Variants in PATJ observed in about 807,000 individuals in gnomAD.
The protein encoded by PATJ is PATJ crumbs cell polarity complex component, also known as inaD-like protein.
Under a neutral mutation model 224.9 loss-of-function variants are expected in PATJ, and 190 were observed. The observed-to-expected ratio is 0.84, with a 90% CI of 0.75 to 0.95. The LOEUF is 0.95. Ranked by LOEUF, PATJ falls within the 40% of genes least tolerant of loss-of-function variation. The pLI is 0.00. For synonymous variants in PATJ, 769 were observed against 820.3 expected (o/e 0.94, Z 1.07); for missense variants, 2,121 against 2,270.3 (o/e 0.93, Z 1.34).
At chr1:61,745,193 A>G (rs1009911231) in intron 1 of PATJ, among the ~76,000 whole-genome samples, 2 of 152,222 alleles carry the variant, frequency 1.3e-5, no homozygotes, top group Non-Finnish European at 2.9e-5. Context: ...TCCTTCCTCC[A>G]GGGTATGGGC....
intron 20 of PATJ, among the ~76,000 whole-genome samples, chr1:61,867,897 A>G (rs1465993902): frequency 6.6e-6 from 1 of 152,162 alleles, no homozygotes; most frequent in Non-Finnish European, 1.5e-5. Flanking sequence ...ACACATTCAA[A>G]TCCCTTACAA....
Position 61,763,174 on chromosome 1 carries a change from G to A in PATJ, c.184G>A (p.Gly62Ser). ...TLQQSIKQLKGQLNHIPSDCS... is the reference protein window; with the variant it reads ...TLQQSIKQLKSQLNHIPSDCS... ...TCAGCAGTCCATCAAGCAACTGAAGGGTCAAGTAAGTTACCCATCAGAGTT... is the reference window on the plus strand; with the variant it reads ...TCAGCAGTCCATCAAGCAACTGAAGAGTCAAGTAAGTTACCCATCAGAGTT... Residue 62 changes from glycine to serine, a missense_variant, in exon 3 of 44, where the codon GGT becomes AGT. By Grantham distance (56) the Gly-to-Ser change is moderately conservative. Transcript: ENST00000642238. The A allele has an allele frequency of 1.3e-6, 2 of 1,552,244 alleles. No individual in the cohort carries two copies.
At chr1:61,871,557 ATTTTTTT>A (rs71582650) in intron 20 of PATJ, among the ~76,000 whole-genome samples, 2,525 of 54,778 alleles carry the variant, frequency 0.046, 85 homozygotes, top group African/African-American at 0.14. Context: ...ATATATATAT[ATTTTTTT>A]TTTTTTTTTT....
At chr1:61,979,397 G>A (rs1019806008) in intron 27 of PATJ, among the ~76,000 whole-genome samples, 2 of 152,040 alleles carry the variant, frequency 1.3e-5, no homozygotes, top group Non-Finnish European at 2.9e-5. Context: ...GTTCAGGCCT[G>A]TAATCCCAGC....
intron 27 of PATJ, among the ~76,000 whole-genome samples, chr1:61,974,634 A>G (rs1454894531): frequency 1.3e-5 from 2 of 151,856 alleles, no homozygotes; most frequent in Non-Finnish European, 2.9e-5. Context: ...TCTGCTCCAA[A>G]AGCAAAGTGG....
chr1:62,063,643 G>T (rs779666530), intron 31 of PATJ, among the ~76,000 whole-genome samples: 7 of 152,180 alleles, frequency 4.6e-5, no homozygotes, highest in Non-Finnish European at 1.0e-4. Flanking sequence ...CATGAGCATA[G>T]AATGTTTTTC....
At chr1:61,899,883 G>A (rs1670884334) in intron 23 of PATJ, among the ~76,000 whole-genome samples, 1 of 152,216 alleles carries the variant, frequency 6.6e-6, no homozygotes, top group Non-Finnish European at 1.5e-5. Flanking sequence ...TTCAGAGAAA[G>A]CAACTTAGAT....
chr1:61,898,964 G>T (rs1238450868), intron 22 of PATJ, among the ~76,000 whole-genome samples: 2 of 150,454 alleles, frequency 1.3e-5, no homozygotes, highest in Non-Finnish European at 3.0e-5. Context: ...TTTTTTTTTT[G>T]TAGAGACAGG....
At chr1:61,806,813 T>G (rs1653665680) in intron 13 of PATJ, among the ~76,000 whole-genome samples, 1 of 152,116 alleles carries the variant, frequency 6.6e-6, no homozygotes, top group African/African-American at 2.4e-5. Flanking sequence ...GCTGTAACAG[T>G]ATTTACAAAT....
chr1:61,947,673 G>C (rs957247977), intron 27 of PATJ, among the ~76,000 whole-genome samples: 16 of 152,180 alleles, frequency 1.1e-4, no homozygotes, highest in Non-Finnish European at 2.2e-4. Flanking sequence ...CCATCCCCAT[G>C]AGGCTACCAA....
chr1:61,898,035 T>A (rs758700911), intron 22 of PATJ, among the ~76,000 whole-genome samples: 1 of 152,196 alleles, frequency 6.6e-6, no homozygotes, highest in Non-Finnish European at 1.5e-5. Context: ...AGATACTAAG[T>A]CTGTAGAGGG....
At position 62,158,707 on chromosome 1, in the gene PATJ, C is replaced by T. The variant is rs181652933; in HGVS notation, c.5503-2201C>T. On this transcript the variant is annotated intron_variant, in intron 43 of 43. Transcript: ENST00000642238. ...CTGCATTCCAGCCTGGGCGACAGAG[C>T]GAGACTCTGTCTCAAAAAAAAAACA... Among the ~76,000 whole-genome samples, 358 of 107,104 alleles carry T rather than the reference C, an allele frequency of 3.3e-3. 2 individuals carry two copies. Among genetic ancestry groups the T allele is most frequent in the African/African-American group, 8.9e-3 (238 of 26,668 alleles). The allele number at this position is 107,104 out of a possible 152,430, so 70.3% of individuals were successfully genotyped here. A position where few individuals can be genotyped will look rare whatever the true frequency, so the allele number is the denominator to read the frequency against.
rs1406623318 is a variant in PATJ at position 61,797,308 on chromosome 1, G to T, written c.1282G>T (p.Gly428Cys). The change falls in exon 11 of 44, where the codon GGT (glycine) becomes TGT (cysteine). Residue 428 changes from glycine to cysteine, a missense_variant. By Grantham distance (159) the Gly-to-Cys change is radical. Coordinates refer to ENST00000642238, the MANE Select transcript of PATJ (RefSeq NM_001350145.3). ...IVAVDGVNIQGFANHDVVEVL... is the reference protein window; with the variant it reads ...IVAVDGVNIQCFANHDVVEVL... ...TTAGGTCGATGGCGTGAACATTCAG[G>T]GTTTTGCCAACCATGATGTTGTTGA... The T allele has an allele frequency of 2.7e-5, 43 of 1,613,172 alleles. No individual in the cohort carries two copies. Among genetic ancestry groups the T allele is most frequent in the Non-Finnish European group, 3.6e-5 (42 of 1,179,352 alleles).
chr1:61,864,212 CA>C (rs1428884742), intron 19 of PATJ, 25 bp from the exon 20 acceptor site: 1 of 1,549,194 alleles, frequency 6.5e-7, no homozygotes, highest in African/African-American at 1.6e-5. Flanking sequence ...CGTAACTTCA[CA>C]TTTTTTTGCA....
intron 14 of PATJ, among the ~76,000 whole-genome samples, chr1:61,819,376 T>G (rs540898243): frequency 5.3e-5 from 8 of 152,248 alleles, no homozygotes; most frequent in East Asian, 3.9e-4. Context: ...TGATTGGTTG[T>G]TTATTTATGT....
chr1:62,049,975 G>A (rs528532095), intron 30 of PATJ, among the ~76,000 whole-genome samples: 3 of 152,004 alleles, frequency 2.0e-5, no homozygotes, highest in East Asian at 1.9e-4. Flanking sequence ...AAATTAGCCC[G>A]TGTGGTGGCA....
intron 17 of PATJ, among the ~76,000 whole-genome samples, chr1:61,835,230 G>A (rs1264202412): frequency 6.6e-6 from 1 of 152,152 alleles, no homozygotes; most frequent in East Asian, 1.9e-4. Context: ...GCATTTGCAA[G>A]TTTATATATT....
chr1:61,786,082 C>T (rs1392325644), intron 7 of PATJ, among the ~76,000 whole-genome samples: 1 of 152,174 alleles, frequency 6.6e-6, no homozygotes, highest in Non-Finnish European at 1.5e-5. Context: ...AGTGCAGTGG[C>T]GTGATCTTTG....
At chr1:62,073,771 C>T (rs1021220092) in intron 31 of PATJ, among the ~76,000 whole-genome samples, 2 of 152,188 alleles carry the variant, frequency 1.3e-5, no homozygotes, top group African/African-American at 4.8e-5. Context: ...AGAAGGCTTG[C>T]TTGAGCCCAG....
Sources: allele counts gnomAD v4.1 joint callset (sites outside exome capture counted in the v4.1 genomes callset), GRCh38; gene constraint gnomAD v4.1.1; transcripts MANE v1.5; gene names NCBI Gene and HGNC (gene_info 2026-07-23, HGNC 2026-07-21).